MEMO1: variants seen among roughly 807,000 people sequenced by gnomAD.
The protein encoded by MEMO1 is protein MEMO1.
Under a neutral mutation model 45.2 loss-of-function variants are expected in MEMO1, and 6 were observed. The observed-to-expected ratio is 0.13, with a 90% confidence interval of 0.07 to 0.26. The LOEUF (loss-of-function observed/expected upper bound fraction) is 0.26, where lower values mean the gene tolerates loss of function less well. MEMO1 is among the 10% of genes least tolerant of loss of function. The pLI is 1.00. For missense variants in MEMO1, 184 were observed against 370.5 expected, an observed-to-expected ratio of 0.50 and a Z score of 4.13; for synonymous variants, 78 against 124.3, an observed-to-expected ratio of 0.63 and a Z score of 2.48.
At chr2:31,951,541 A>AT (rs1406020748) in intron 2 of MEMO1, among the ~76,000 whole-genome samples, 1 of 127,716 alleles carries the variant, frequency 7.8e-6, no homozygotes, top group African/African-American at 2.9e-5. Flanking sequence ...TTATCTTTTT[A>AT]TTTTTTATTG....
chr2:31,980,235 C>T (rs965245886), intron 2 of MEMO1, among the ~76,000 whole-genome samples: 2 of 152,048 alleles, frequency 1.3e-5, no homozygotes, highest in Non-Finnish European at 2.9e-5. Context: ...AGCTGGAGAC[C>T]AGCCTGGACA....
At chr2:31,923,745 C>T (rs560693393) in intron 4 of MEMO1, 5 of 1,531,348 alleles carry the variant, frequency 3.3e-6, no homozygotes, top group East Asian at 2.5e-5. Flanking sequence ...CTGAAACACA[C>T]AGTCAAAATA....
intron 2 of MEMO1, among the ~76,000 whole-genome samples, chr2:32,005,997 G>T (rs1422948843): frequency 1.3e-5 from 2 of 152,110 alleles, no homozygotes; most frequent in Non-Finnish European, 2.9e-5. Context: ...TTCAACAGAG[G>T]GACCAGTTTG....
intron 2 of MEMO1, among the ~76,000 whole-genome samples, chr2:31,950,430 T>C (rs1014275187): frequency 5.5e-5 from 8 of 145,708 alleles, no homozygotes; most frequent in African/African-American, 2.0e-4. Context: ...TTAAAAGGTA[T>C]TTCTTTGGCT....
At chr2:31,956,574 T>C (rs1054283159) in intron 2 of MEMO1, among the ~76,000 whole-genome samples, 1 of 152,138 alleles carries the variant, frequency 6.6e-6, no homozygotes, top group African/African-American at 2.4e-5. Context: ...TGATTGCACA[T>C]GGGTGAACTG....
chr2:31,885,410 A>G (rs566579634), intron 7 of MEMO1, among the ~76,000 whole-genome samples: 2 of 152,334 alleles, frequency 1.3e-5, no homozygotes, highest in African/African-American at 2.4e-5. Flanking sequence ...GTGAGCCACC[A>G]CACCCAGCCT....
chr2:32,009,443 C>A (rs1674524675), intron 2 of MEMO1, among the ~76,000 whole-genome samples: 1 of 152,154 alleles, frequency 6.6e-6, no homozygotes, highest in Non-Finnish European at 1.5e-5. Flanking sequence ...CCTGAAAGGC[C>A]CTCCTCTGAC....
chr2:31,916,281 T>G (rs892419350), intron 6 of MEMO1, among the ~76,000 whole-genome samples: 1 of 152,118 alleles, frequency 6.6e-6, no homozygotes, highest in Non-Finnish European at 1.5e-5. Context: ...TAGGCTGGAG[T>G]GCAGTGCCAT....
At chr2:32,001,219 T>C (rs1326547362) in intron 2 of MEMO1, among the ~76,000 whole-genome samples, 1 of 151,830 alleles carries the variant, frequency 6.6e-6, no homozygotes, top group Non-Finnish European at 1.5e-5. Context: ...TTTTGTATTT[T>C]TAGTAGAGAC....
chr2:31,875,884 G>A (rs890667056), intron 8 of MEMO1, among the ~76,000 whole-genome samples: 1 of 151,706 alleles, frequency 6.6e-6, no homozygotes, highest in African/African-American at 2.4e-5. Flanking sequence ...AGGGGGTTTC[G>A]TCATGTTGGC....
At chr2:31,926,288 C>T (rs1000722572) in intron 4 of MEMO1, among the ~76,000 whole-genome samples, 2 of 150,892 alleles carry the variant, frequency 1.3e-5, no homozygotes, top group Non-Finnish European at 2.9e-5. Flanking sequence ...AGGAGGATCA[C>T]TTGAGCCTGG....
At chr2:31,997,717 T>C in intron 2 of MEMO1, among the ~76,000 whole-genome samples, 1 of 152,168 alleles carries the variant, frequency 6.6e-6, no homozygotes, top group East Asian at 1.9e-4. Flanking sequence ...AATGAGAAAG[T>C]TAAGCAGAGG....
intron 2 of MEMO1, among the ~76,000 whole-genome samples, chr2:31,965,725 A>C (rs931928208): frequency 6.6e-6 from 1 of 152,192 alleles, no homozygotes; most frequent in African/African-American, 2.4e-5. Flanking sequence ...CAAGAACAGA[A>C]AACCAAACAC....
At chr2:31,988,786 G>T (rs1671587292) in intron 2 of MEMO1, among the ~76,000 whole-genome samples, 1 of 152,130 alleles carries the variant, frequency 6.6e-6, no homozygotes, top group Non-Finnish European at 1.5e-5. Context: ...TAGAAAGATG[G>T]CTGTCTCAAG....
At chr2:31,890,737 G>A (rs538938481) in intron 7 of MEMO1, among the ~76,000 whole-genome samples, 45 of 152,228 alleles carry the variant, frequency 3.0e-4, no homozygotes, top group African/African-American at 1.0e-3. Context: ...GTAATTCTCT[G>A]ATGTGGGAGC....
intron 7 of MEMO1, among the ~76,000 whole-genome samples, chr2:31,885,835 G>A (rs1676112882): frequency 6.6e-6 from 1 of 152,184 alleles, no homozygotes; most frequent in Non-Finnish European, 1.5e-5. Context: ...ATAGTCGTTT[G>A]CTACTCAAAA....
chr2:31,923,683 T>A, intron 4 of MEMO1: 1 of 1,547,776 alleles, frequency 6.5e-7, no homozygotes, highest in Non-Finnish European at 8.7e-7. Context: ...TTGAGGAAAA[T>A]ATGAAAAGAC....
At chr2:31,932,213 A>G in intron 3 of MEMO1, 78 bp from the exon 4 acceptor site, 1 of 1,192,604 alleles carries the variant, frequency 8.4e-7, no homozygotes, top group South Asian at 1.3e-5. Flanking sequence ...CTTGAAATAA[A>G]TACAGTACCT....
At chr2:31,913,866 T>C (rs1681008400) in intron 6 of MEMO1, among the ~76,000 whole-genome samples, 1 of 152,162 alleles carries the variant, frequency 6.6e-6, no homozygotes, top group South Asian at 2.1e-4. Flanking sequence ...ACTCCTCCCA[T>C]CAAAAATAGC....
Sources: gnomAD v4.1 joint callset for allele counts (sites outside exome capture counted in the v4.1 genomes callset) on GRCh38, gnomAD v4.1.1 for gene constraint, MANE v1.5 for transcripts, NCBI Gene and HGNC (gene_info 2026-07-23, HGNC 2026-07-21) for gene names.